Variants in ADAM2 observed in about 807,000 individuals in gnomAD.
ADAM2 encodes ADAM metallopeptidase domain 2.
ADAM2 carries 101 observed loss-of-function variants against 99.3 expected under a neutral mutation model. The ratio of observed to expected loss-of-function variants is 1.02; its 90% CI spans 0.87 to 1.20. The LOEUF is 1.20. ADAM2 is among the 50% of genes most tolerant of loss of function. The probability of loss-of-function intolerance (pLI) is 0.00; values close to 1 mark genes in which losing one functional copy is unlikely to be tolerated. For missense variants in ADAM2, 948 were observed against 878.7 expected, an observed-to-expected ratio of 1.08 and a Z score of -1.00; for synonymous variants, 323 against 287.6, an observed-to-expected ratio of 1.12 and a Z score of -1.25.
At position 39,775,561 on chromosome 8, in the gene ADAM2, A is replaced by G. The variant is rs534965488; in HGVS notation, c.1028+1464T>C. Among the ~76,000 whole-genome samples, 5 of 152,254 alleles carry G rather than the reference A, an allele frequency of 3.3e-5. No homozygotes were observed. The East Asian group carries it at 9.7e-4, about 29-fold the overall frequency. On this transcript the variant is annotated intron_variant, in intron 11 of 20. Coordinates refer to ENST00000265708, the MANE Select transcript of ADAM2 (RefSeq NM_001464.5). ...CCATCCCCACAGTCTTTAGGTCTAA[A>G]TCTAATAGGACTCTATATGAAACTG...
At chr8:39,796,960 G>T (rs1164923956) in intron 7 of ADAM2, among the ~76,000 whole-genome samples, 2 of 152,106 alleles carry the variant, frequency 1.3e-5, no homozygotes, top group Non-Finnish European at 2.9e-5. Flanking sequence ...CAGATGGGTA[G>T]ATTGCAAAAA....
intron 5 of ADAM2, 30 bp from the exon 6 acceptor site, chr8:39,821,200 A>T: frequency 6.9e-7 from 1 of 1,446,332 alleles, no homozygotes. Context: ...ATTAATAAGT[A>T]AAACAATGCC....
At chr8:39,819,192 T>C (rs1805072345) in intron 6 of ADAM2, among the ~76,000 whole-genome samples, 1 of 152,160 alleles carries the variant, frequency 6.6e-6, no homozygotes, top group South Asian at 2.1e-4. Flanking sequence ...TAAAGATTAA[T>C]GGACTATAAT....
chr8:39,820,812 TG>T (rs1805144592), intron 6 of ADAM2, among the ~76,000 whole-genome samples, 189 bp downstream of exon 6: 1 of 152,174 alleles, frequency 6.6e-6, no homozygotes, highest in African/African-American at 2.4e-5. Flanking sequence ...ATTGGAGTTC[TG>T]GAAAATTACA....
intron 7 of ADAM2, among the ~76,000 whole-genome samples, chr8:39,794,083 T>C (rs1803836509): frequency 2.0e-5 from 3 of 152,184 alleles, no homozygotes. Context: ...GCATGTGTTT[T>C]TATGAACTAG....
chr8:39,761,577 G>A (rs1302960375), intron 14 of ADAM2, among the ~76,000 whole-genome samples: 1 of 152,130 alleles, frequency 6.6e-6, no homozygotes, highest in Non-Finnish European at 1.5e-5. Context: ...ATATCTATTA[G>A]TACGTAGGAA....
intron 7 of ADAM2, among the ~76,000 whole-genome samples, chr8:39,801,049 G>A (rs1804186780): frequency 6.6e-6 from 1 of 152,120 alleles, no homozygotes; most frequent in Non-Finnish European, 1.5e-5. Context: ...CCAGTTCTGT[G>A]CCCTTGATGG....
At chr8:39,754,713 G>A (rs1430045165) in intron 16 of ADAM2, among the ~76,000 whole-genome samples, 1 of 151,830 alleles carries the variant, frequency 6.6e-6, no homozygotes, top group Non-Finnish European at 1.5e-5. Flanking sequence ...CTTCAATAAG[G>A]GGCTTACTGT....
chr8:39,776,449 G>T (rs139590626), intron 11 of ADAM2, among the ~76,000 whole-genome samples: 3,031 of 152,188 alleles, frequency 0.02, 101 homozygotes, highest in African/African-American at 0.068. Flanking sequence ...TAAAAGGCTG[G>T]CTCCAGTTAC....
rs761892856 is a variant in ADAM2 at position 39,778,197 on chromosome 8, A to AT, written c.892-1037_892-1036insA. ...TGCTACCCCTTCAAATATATCTACT[A>AT]ACATTTTGATGAATATACTTCATGA... On this transcript the variant is annotated intron_variant, in intron 10 of 20. Transcript: ENST00000265708. 8.0e-4 allele frequency among the ~76,000 whole-genome samples: 122 copies of AT among 151,976 alleles called. 1 individual carries two copies. Among genetic ancestry groups the AT allele is most frequent in the Non-Finnish European group, 1.1e-3 (75 of 67,946 alleles).
intron 3 of ADAM2, among the ~76,000 whole-genome samples, chr8:39,831,261 ATC>A (rs1805606968): frequency 1.3e-5 from 2 of 152,072 alleles, no homozygotes; most frequent in African/African-American, 4.8e-5. Context: ...TCTAAACTAT[ATC>A]TCAGGCAGAT....
At chr8:39,794,271 A>T (rs1389412801) in intron 7 of ADAM2, among the ~76,000 whole-genome samples, 1 of 152,166 alleles carries the variant, frequency 6.6e-6, no homozygotes, top group East Asian at 1.9e-4. Context: ...TATGTTAAGG[A>T]TCTCTAGTTA....
At chr8:39,817,393 TAGA>T (rs151288270) in intron 6 of ADAM2, among the ~76,000 whole-genome samples, 6,376 of 152,184 alleles carry the variant, frequency 0.042, 426 homozygotes, top group African/African-American at 0.15. Context: ...TACAGCTAGA[TAGA>T]AGGAGTAAGT....
intron 11 of ADAM2, among the ~76,000 whole-genome samples, chr8:39,776,738 A>G (rs1447590043): frequency 6.6e-6 from 1 of 152,142 alleles, no homozygotes; most frequent in Non-Finnish European, 1.5e-5. Context: ...TAGTGATCTC[A>G]AGCTTGCATT....
chr8:39,801,259 A>G (rs1804198044), intron 7 of ADAM2, among the ~76,000 whole-genome samples: 2 of 152,038 alleles, frequency 1.3e-5, no homozygotes, highest in African/African-American at 4.8e-5. Context: ...TTCTTTCAAT[A>G]GTCAGGTCCC....
At chr8:39,789,211 A>C (rs1362267131) in intron 7 of ADAM2, among the ~76,000 whole-genome samples, 4 of 151,676 alleles carry the variant, frequency 2.6e-5, no homozygotes, top group Admixed American at 2.0e-4. Flanking sequence ...TGCAACCAAA[A>C]ACAGAGCCAG....
chr8:39,774,163 G>C (rs961353351), intron 11 of ADAM2, among the ~76,000 whole-genome samples: 7 of 151,874 alleles, frequency 4.6e-5, no homozygotes, highest in Non-Finnish European at 1.0e-4. Context: ...GGGTTACAAA[G>C]CTTTCTCAAT....
Position 39,755,898 on chromosome 8 carries a change from C to A in ADAM2, c.1627G>T (p.Gly543Ter). ...CCTACATATTTACATATTAATTTTC[C>A]GCACTGCAGATTGCTATAATTTATC... ...TQCEADNLQC[G>*]KLICKYVGKF... Residue 543 changes from glycine (G) to a stop codon, truncating the protein, a stop_gained, in exon 16 of 21, where the codon GGA (glycine) becomes TGA (stop). Coordinates refer to ENST00000265708, the MANE Select transcript of ADAM2 (RefSeq NM_001464.5). LOFTEE classifies it high-confidence loss of function. The A allele has an allele frequency of 6.5e-7, 1 of 1,528,052 alleles. No individual in the cohort carries two copies. Among genetic ancestry groups the A allele is most frequent in the East Asian group, 2.3e-5 (1 of 43,960 alleles). 94.7% of individuals were successfully genotyped at this position (1,528,052 alleles called of 1,614,324 possible). A position where few individuals can be genotyped will look rare whatever the true frequency, so the allele number is the denominator to read the frequency against.
chr8:39,760,913 T>TAAAAAAAAAAAAAAAAAA (rs1802341281), intron 15 of ADAM2, among the ~76,000 whole-genome samples: 1 of 104,550 alleles, frequency 9.6e-6, no homozygotes, highest in African/African-American at 4.0e-5. Flanking sequence ...AAAAAAAAAT[T>TAAAAAAAAAAAAAAAAAA]AAAGTAATAG....
Sources: allele counts gnomAD v4.1 joint callset (sites outside exome capture counted in the v4.1 genomes callset), GRCh38; gene constraint gnomAD v4.1.1; transcripts MANE v1.5; gene names NCBI Gene and HGNC (gene_info 2026-07-23, HGNC 2026-07-21).